The following MTA3 variants were observed in gnomAD, a reference collection of about 807,000 sequenced individuals.
MTA3 encodes the protein metastasis associated 1 family member 3.
A neutral mutation model predicts 83.5 loss-of-function variants in MTA3; 34 were observed. The observed-to-expected ratio is 0.41, with a 90% confidence interval of 0.31 to 0.54. The LOEUF is 0.54. Among genes scored for constraint, MTA3 ranks in the 20% least tolerant of loss-of-function variants. MTA3 has a pLI of 0.33. For synonymous variants in MTA3, 303 were observed against 252.7 expected (o/e 1.20, Z -1.89); for missense variants, 761 against 726.4 (o/e 1.05, Z -0.55).
At chr2:42,622,886 A>C (rs953511984) in intron 4 of MTA3, among the ~76,000 whole-genome samples, 1 of 152,190 alleles carries the variant, frequency 6.6e-6, no homozygotes. Context: ...CGTTGCTTAT[A>C]TCATTAGATT....
At chr2:42,745,749 T>C (rs899957876) in intron 16 of MTA3, among the ~76,000 whole-genome samples, 5 of 152,040 alleles carry the variant, frequency 3.3e-5, no homozygotes, top group African/African-American at 7.2e-5. Flanking sequence ...TTGTCAACTT[T>C]GCTTCATATA....
intron 8 of MTA3, among the ~76,000 whole-genome samples, chr2:42,675,954 G>T (rs1691315018): frequency 6.6e-6 from 1 of 152,228 alleles, no homozygotes; most frequent in Admixed American, 6.5e-5. Flanking sequence ...TTATGAAGTT[G>T]GTCAGTTTCA....
intron 16 of MTA3, among the ~76,000 whole-genome samples, chr2:42,727,089 G>T (rs1416215864): frequency 6.6e-6 from 1 of 152,140 alleles, no homozygotes; most frequent in Non-Finnish European, 1.5e-5. Flanking sequence ...CTAGCTACTT[G>T]GCGGGGGCTG....
At chr2:42,719,901 A>G (rs529723813) in intron 15 of MTA3, among the ~76,000 whole-genome samples, 1 of 152,338 alleles carries the variant, frequency 6.6e-6, no homozygotes, top group South Asian at 2.1e-4. Context: ...GGTTTTTCAC[A>G]TACCTAGAAG....
rs544320654 is a variant in MTA3, at chr2:42,755,664, G to C, written c.*2265G>C. 1.2e-4 allele frequency: 120 copies of C among 985,552 alleles called. No individual in the cohort carries two copies. In the South Asian group the frequency reaches 5.1e-3, roughly 42 times the overall value. 61.1% of individuals were successfully genotyped at this position (985,552 alleles called of 1,614,324 possible). On this transcript the variant is annotated 3_prime_UTR_variant, in exon 17 of 17. Coordinates refer to ENST00000405094, the MANE Select transcript of MTA3 (RefSeq NM_001330442.2). ...GAGGAAGGGTGCCGAGGCGCCTCTA[G>C]TCTGTGCCTTTGCCGTTGGAAGCAT...
chr2:42,557,933 G>A (rs1677477559), intron 2 of MTA3, among the ~76,000 whole-genome samples: 1 of 152,048 alleles, frequency 6.6e-6, no homozygotes, highest in South Asian at 2.1e-4. Context: ...GGTATCTCAG[G>A]CCAACCCTAC....
rs375104245 is a variant in MTA3 at position 42,641,297 on chromosome 2, A to G, written c.381+1061A>G. On this transcript the variant is annotated intron_variant, in intron 5 of 16. Coordinates refer to ENST00000405094, the MANE Select transcript of MTA3 (RefSeq NM_001330442.2). ...AATATAACAGAAAAAGTTTGATACA[A>G]TCATGCAGAACCCACTATACATTAG... is the stretch of plus-strand genomic sequence containing the variant. Among the ~76,000 whole-genome samples the G allele has an allele frequency of 1.3e-4, 19 of 151,762 alleles. No individual in the cohort carries two copies. In the East Asian group the frequency reaches 3.1e-3, roughly 25 times the overall value.
At chr2:42,623,328 A>C (rs1036176471) in intron 4 of MTA3, among the ~76,000 whole-genome samples, 2 of 152,274 alleles carry the variant, frequency 1.3e-5, no homozygotes, top group South Asian at 2.1e-4. Flanking sequence ...TTGCTATGCG[A>C]AGGGTACTTG....
rs1558646739 is a variant in MTA3 at position 42,754,722 on chromosome 2, G to A, written c.*1323G>A. The A allele has an allele frequency of 7.1e-6, 7 of 985,418 alleles. No homozygotes were observed. Among genetic ancestry groups the A allele is most frequent in the Admixed American group, 6.1e-5 (1 of 16,272 alleles). 61.0% of individuals were successfully genotyped at this position (985,418 alleles called of 1,614,324 possible). On this transcript the variant is annotated 3_prime_UTR_variant, in exon 17 of 17. Transcript: ENST00000405094. ...TAGGAGGCAGCTGGATGGCAGATAC[G>A]AGAGGCCCAAATAGCCAAGCTGTTG...
At chr2:42,552,274 A>G (rs1005424662) in intron 2 of MTA3, among the ~76,000 whole-genome samples, 1 of 152,216 alleles carries the variant, frequency 6.6e-6, no homozygotes, top group Non-Finnish European at 1.5e-5. Flanking sequence ...GATAAAGGCC[A>G]CAGCCGAGAA....
chr2:42,599,976 C>A (rs1682352656), intron 3 of MTA3, among the ~76,000 whole-genome samples: 1 of 151,656 alleles, frequency 6.6e-6, no homozygotes, highest in African/African-American at 2.4e-5. Context: ...GCGGGCGGAT[C>A]ACGAGGTCAG....
intron 8 of MTA3, among the ~76,000 whole-genome samples, chr2:42,674,526 C>G (rs947394421): frequency 6.6e-6 from 1 of 151,622 alleles, no homozygotes; most frequent in African/African-American, 2.4e-5. Flanking sequence ...ATTGGTATCT[C>G]TATTGAAAAC....
intron 9 of MTA3, among the ~76,000 whole-genome samples, chr2:42,687,280 A>G (rs552875136): frequency 6.6e-6 from 1 of 152,290 alleles, no homozygotes; most frequent in South Asian, 2.1e-4. Context: ...CCTTTTTCTG[A>G]ACACTGTGTA....
At chr2:42,568,801 G>C (rs1334165193) in intron 1 of MTA3, 28 bp downstream of exon 1, 1 of 1,215,166 alleles carries the variant, frequency 8.2e-7, no homozygotes, top group Non-Finnish European at 1.0e-6. Flanking sequence ...GACCCGGCCC[G>C]TGTGGGAGCG....
intron 6 of MTA3, among the ~76,000 whole-genome samples, chr2:42,654,488 TC>T (rs1347319058): frequency 6.6e-6 from 1 of 152,206 alleles, no homozygotes. Flanking sequence ...AAATCAAAAT[TC>T]CATTGGCTCC....
In MTA3 at chr2:42,667,570, T is replaced by TTATG. The variant is rs770325715; in HGVS notation, c.702+7709_702+7710insATGT. On this transcript the variant is annotated intron_variant, in intron 8 of 16. Transcript: ENST00000405094. ...TGTCAGAATTTCCATCATTTAAAAA[T>TTATG]TGTGTGTGTGTGTGTGTGTGTGTGT... Among the ~76,000 whole-genome samples the TTATG allele has an allele frequency of 3.1e-3, 450 of 145,112 alleles. 9 individuals are homozygous for TTATG. The Middle Eastern group carries it at 0.046, about 15-fold the overall frequency.
intron 2 of MTA3, among the ~76,000 whole-genome samples, chr2:42,508,416 C>G (rs756446297): frequency 8.5e-5 from 13 of 152,070 alleles, no homozygotes; most frequent in Admixed American, 1.3e-4. Context: ...ATTGCAGCCT[C>G]AACCTCCTGG....
At chr2:42,643,045 C>A (rs376328638) in intron 5 of MTA3, among the ~76,000 whole-genome samples, 4 of 107,134 alleles carry the variant, frequency 3.7e-5, no homozygotes, top group East Asian at 3.1e-4. Context: ...CCCCCCCCCC[C>A]CTTTTTTTTT....
At chr2:42,723,843 C>G (rs542661089) in intron 16 of MTA3, among the ~76,000 whole-genome samples, 2 of 152,146 alleles carry the variant, frequency 1.3e-5, no homozygotes, top group Admixed American at 1.3e-4. Context: ...TAATGAGGCC[C>G]CAGAGCAAGG....
Sources: allele counts gnomAD v4.1 joint callset (sites outside exome capture counted in the v4.1 genomes callset), GRCh38; gene constraint gnomAD v4.1.1; transcripts MANE v1.5; gene names NCBI Gene and HGNC (gene_info 2026-07-23, HGNC 2026-07-21).